PDXDC1: variants seen among roughly 807,000 people sequenced by gnomAD.
The protein encoded by PDXDC1 is pyridoxal dependent decarboxylase domain containing 1.
PDXDC1 carries 42 observed loss-of-function variants against 100.1 expected under a neutral mutation model. That is an observed-to-expected ratio of 0.42 (90% confidence interval 0.33 to 0.54). The LOEUF is 0.54. PDXDC1 is among the 20% of genes least tolerant of loss of function. PDXDC1 has a pLI of 0.10. For missense variants in PDXDC1, 636 were observed against 979.2 expected (o/e 0.65, Z 4.68); for synonymous variants, 260 against 371.7 (o/e 0.70, Z 3.46).
Position 15,071,160 on chromosome 16 carries a change from A to G in PDXDC1, c.1399+41104A>G, listed in dbSNP as rs2151775794. 3.1e-6 allele frequency: 5 copies of G among 1,610,352 alleles called. No individual in the cohort carries two copies. The highest frequency in any genetic ancestry group is 4.2e-6 in the Non-Finnish European group (5 of 1,179,342). ...TTTAGCTCTTGCCAAAAAGCTTCCAATATAATTTCCAGCAGCCTGCCTGAT... is the reference window on the plus strand; with the variant it reads ...TTTAGCTCTTGCCAAAAAGCTTCCAGTATAATTTCCAGCAGCCTGCCTGAT... On this transcript the variant is annotated intron_variant, in intron 16 of 16. Transcript: ENST00000535621.
At position 15,065,342 on chromosome 16, in the gene PDXDC1, A is replaced by G. The variant is rs191826683; in HGVS notation, c.1399+35286A>G. 85 of 1,613,648 alleles carry G rather than the reference A, an allele frequency of 5.3e-5. No homozygotes were observed. The East Asian group carries it at 1.8e-3, about 34-fold the overall frequency. On this transcript the variant is annotated intron_variant, in intron 16 of 16. Coordinates refer to the PDXDC1 transcript ENST00000535621. ...CATCTGGCGATTGTTCCTCTCAATG[A>G]TGGTGTAGCAGAAGACGAGCTGGTA...
At chr16:14,990,103 G>A (rs1239873453) in intron 1 of PDXDC1, 135 of 1,481,412 alleles carry the variant, frequency 9.1e-5, no homozygotes, top group Non-Finnish European at 1.1e-4. Flanking sequence ...AGGAGGCGGC[G>A]GGCCCAGCTG....
intron 16 of PDXDC1, chr16:15,092,650 G>C: frequency 7.8e-7 from 1 of 1,274,672 alleles, no homozygotes; most frequent in South Asian, 1.2e-5. Flanking sequence ...TTAAGTTCAT[G>C]AAAATAATAA....
At chr16:15,137,258 G>A in intron 16 of PDXDC1, 1 of 806,668 alleles carries the variant, frequency 1.2e-6, no homozygotes, top group Non-Finnish European at 2.0e-6. Context: ...CCCTGGGGAG[G>A]CAGGGAAGAC....
At chr16:14,997,675 T>C in intron 1 of PDXDC1, 78 bp from the exon 2 acceptor site, 6 of 1,422,114 alleles carry the variant, frequency 4.2e-6, no homozygotes, top group Non-Finnish European at 5.7e-6. Context: ...ATTATGCACT[T>C]AATTTTTCTG....
intron 1 of PDXDC1, among the ~76,000 whole-genome samples, chr16:14,985,152 C>T (rs1386359311): frequency 1.3e-5 from 2 of 152,274 alleles, no homozygotes; most frequent in Non-Finnish European, 2.9e-5. Flanking sequence ...GCTGGGATTA[C>T]AGGTGTGAGC....
intron 16 of PDXDC1, among the ~76,000 whole-genome samples, chr16:15,078,818 T>TC (rs1321607255): frequency 2.7e-5 from 4 of 149,960 alleles, no homozygotes; most frequent in Admixed American, 6.6e-5. Flanking sequence ...TTTTCTTTTT[T>TC]TTTTTTTTTT....
intron 16 of PDXDC1, among the ~76,000 whole-genome samples, chr16:15,080,644 T>A (rs955726641): frequency 2.0e-5 from 3 of 152,212 alleles, no homozygotes; most frequent in African/African-American, 7.2e-5. Flanking sequence ...TTGCCCAGGC[T>A]GGTCTTCAAC....
At chr16:15,110,559 C>T in intron 16 of PDXDC1, 1 of 1,586,880 alleles carries the variant, frequency 6.3e-7, no homozygotes, top group Non-Finnish European at 8.5e-7. Context: ...ATTTTAATTC[C>T]TGGAAAGGAA....
chr16:15,079,785 C>T (rs555463473), intron 16 of PDXDC1, among the ~76,000 whole-genome samples: 35 of 152,194 alleles, frequency 2.3e-4, no homozygotes, highest in Non-Finnish European at 4.1e-4. Context: ...TTTATAGAGA[C>T]GGGGTTTCGC....
intron 16 of PDXDC1, chr16:15,133,866 C>A: frequency 1.3e-6 from 2 of 1,555,758 alleles, no homozygotes; most frequent in South Asian, 2.3e-5. Flanking sequence ...GCAAGAGCCC[C>A]CCAGCGGCGG....
the PDXDC1 span, among the ~76,000 whole-genome samples, chr16:15,146,415 AC>A: frequency 6.6e-6 from 1 of 152,192 alleles, no homozygotes; most frequent in Non-Finnish European, 1.5e-5. Context: ...TCGCCAGCTT[AC>A]GTCAAAAGAA....
intron 12 of PDXDC1, among the ~76,000 whole-genome samples, chr16:15,019,810 C>T (rs1324402756): frequency 1.3e-5 from 2 of 152,276 alleles, no homozygotes; most frequent in African/African-American, 2.4e-5. Context: ...CAGATCATAG[C>T]ATTTAGAAAG....
chr16:15,038,522 G>A (rs1434830510), downstream of PDXDC1: 1 of 1,022,202 alleles, frequency 9.8e-7, no homozygotes, highest in East Asian at 2.4e-5. Context: ...TCTTACAGAT[G>A]GGGAAACCAG....
chr16:15,046,988 T>C (rs2044098475), intron 16 of PDXDC1, among the ~76,000 whole-genome samples: 1 of 152,114 alleles, frequency 6.6e-6, no homozygotes, highest in African/African-American at 2.4e-5. Context: ...CACCCCATCT[T>C]GTGTACAGTC....
chr16:14,979,845 C>T (rs1377236855), intron 1 of PDXDC1, among the ~76,000 whole-genome samples: 1 of 152,286 alleles, frequency 6.6e-6, no homozygotes, highest in Non-Finnish European at 1.5e-5. Flanking sequence ...ATTCCTGCTC[C>T]TTCCTTAAAA....
At position 15,037,924 on chromosome 16, in the gene PDXDC1, AAGG is replaced by A. The variant is rs569144350; in HGVS notation, c.*1653_*1655del. 6.4e-5 allele frequency: 43 copies of A among 675,044 alleles called. No individual in the cohort carries two copies. The East Asian group carries it at 1.1e-3, about 17-fold the overall frequency. 41.8% of individuals were successfully genotyped at this position (675,044 alleles called of 1,614,324 possible). A position where few individuals can be genotyped will look rare whatever the true frequency, so the allele number is the denominator to read the frequency against. ...GTCATTTGAAAGACACTGAGGAGGG[AAGG>A]AGGCCTAAGACCCAACAGATGTAGG... is the stretch of plus-strand genomic sequence containing the variant. On this transcript the variant is annotated 3_prime_UTR_variant, in exon 23 of 23. Transcript: ENST00000396410.
At chr16:15,128,907 G>A (rs1315767621) in intron 16 of PDXDC1, among the ~76,000 whole-genome samples, 1 of 148,416 alleles carries the variant, frequency 6.7e-6, no homozygotes, top group African/African-American at 2.5e-5. Context: ...CCGGGTTCAC[G>A]CCATTCTCCT....
chr16:15,130,279 C>T lies in PDXDC1; in HGVS notation c.1400-8600C>T, dbSNP rs556005625. ...GCGGTGAGGTGGCGGGTGAGGCAGA[C>T]GGCCTGGCGGGGCGAGGTCTCCTCC... On this transcript the variant is annotated intron_variant, in intron 16 of 16. Transcript: ENST00000535621. 1,411 of 1,538,108 alleles carry T rather than the reference C, an allele frequency of 9.2e-4. 13 individuals are homozygous for T. The African/African-American group carries it at 0.016, about 18-fold the overall frequency.
Sources: gnomAD v4.1 joint callset for allele counts (sites outside exome capture counted in the v4.1 genomes callset) on GRCh38, gnomAD v4.1.1 for gene constraint, MANE v1.5 for transcripts, NCBI Gene and HGNC (gene_info 2026-07-23, HGNC 2026-07-21) for gene names.